Variants in PCDHA8 observed in about 807,000 individuals in gnomAD.
PCDHA8 encodes the protein protocadherin alpha-8.
A neutral mutation model predicts 61.8 loss-of-function variants in PCDHA8; 53 were observed. The observed-to-expected ratio is 0.86, with a 90% CI of 0.69 to 1.08. The LOEUF (loss-of-function observed/expected upper bound fraction) is 1.08. Ranked by LOEUF, PCDHA8 falls within the 50% of genes least tolerant of loss-of-function variation. PCDHA8 has a pLI of 0.00. For synonymous variants in PCDHA8, 618 were observed against 556.6 expected, an observed-to-expected ratio of 1.11 and a Z score of -1.55; for missense variants, 1,293 against 1,245.0, an observed-to-expected ratio of 1.04 and a Z score of -0.58.
chr5:140,883,184 G>T (rs1341554668), intron 1 of PCDHA8: 10 of 1,613,756 alleles, frequency 6.2e-6, no homozygotes, highest in Non-Finnish European at 8.5e-6. Flanking sequence ...TAGGACAAAA[G>T]GCAAACTAGA....
At chr5:140,863,422 G>A (rs782158453) in intron 1 of PCDHA8, 1 of 689,156 alleles carries the variant, frequency 1.5e-6, no homozygotes, top group South Asian at 1.3e-5. Flanking sequence ...GTACCGCAGC[G>A]TAGTGGGATC....
intron 1 of PCDHA8, chr5:140,853,687 T>C (rs1025605569): frequency 3.0e-6 from 3 of 988,362 alleles, no homozygotes; most frequent in African/African-American, 3.5e-5. Context: ...AACCTATCCT[T>C]AGACCTGCTA....
rs1554164701 is a variant in PCDHA8 at position 140,870,777 on chromosome 5, C to T, written c.2394+27062C>T. The T allele has an allele frequency of 3.1e-6, 5 of 1,613,610 alleles. No individual in the cohort carries two copies. In the African/African-American group the frequency reaches 4.0e-5, roughly 13 times the overall value. On this transcript the variant is annotated intron_variant, in intron 1 of 3. Coordinates refer to ENST00000531613, the MANE Select transcript of PCDHA8 (RefSeq NM_018911.3). Reference sequence around the variant, plus strand: ...TGCAGGTGTTCGTGCTGGACGAGAACGACAACGCGCCGGCACTGCTGGCGA... The same window carrying T: ...TGCAGGTGTTCGTGCTGGACGAGAATGACAACGCGCCGGCACTGCTGGCGA...
chr5:140,972,820 C>A (rs1247488574), intron 1 of PCDHA8, among the ~76,000 whole-genome samples: 3 of 151,964 alleles, frequency 2.0e-5, no homozygotes, highest in Admixed American at 6.6e-5. Context: ...CGCGCCACCA[C>A]GCCTGGCTAA....
chr5:140,911,378 C>T lies in PCDHA8; in HGVS notation c.2395-67571C>T, dbSNP rs184939316. On this transcript the variant is annotated intron_variant, in intron 1 of 3. Transcript: ENST00000531613. ...ACAGTAGACACCTGGCAAGGCTGTG[C>T]ATGCACCTTTCATTGCAGGTCAGCC... Among the ~76,000 whole-genome samples the T allele has an allele frequency of 8.0e-3, 1,215 of 152,282 alleles. 6 individuals carry two copies. The highest frequency in any genetic ancestry group is 0.019 in the African/African-American group (783 of 41,542).
intron 1 of PCDHA8, among the ~76,000 whole-genome samples, chr5:140,955,118 G>C (rs2095139401): frequency 6.6e-6 from 1 of 152,058 alleles, no homozygotes; most frequent in African/African-American, 2.4e-5. Flanking sequence ...TCTCTATTCT[G>C]TTCCACTGGT....
At chr5:140,902,043 G>A (rs1294111308) in intron 1 of PCDHA8, among the ~76,000 whole-genome samples, 2 of 151,980 alleles carry the variant, frequency 1.3e-5, no homozygotes, top group Non-Finnish European at 2.9e-5. Flanking sequence ...TTTGTATGTT[G>A]ATTTTGTATC....
At chr5:140,996,926 T>C (rs569386997) in intron 3 of PCDHA8, among the ~76,000 whole-genome samples, 4 of 152,320 alleles carry the variant, frequency 2.6e-5, no homozygotes, top group Middle Eastern at 3.4e-3. Flanking sequence ...TTAAAAAATA[T>C]AGCATTTTTG....
At chr5:140,970,693 G>C (rs2096425356) in intron 1 of PCDHA8, among the ~76,000 whole-genome samples, 1 of 152,134 alleles carries the variant, frequency 6.6e-6, no homozygotes, top group South Asian at 2.1e-4. Flanking sequence ...AGGGCTTTTA[G>C]AGCTACTACA....
At chr5:140,999,837 A>G (rs2097878885) in intron 3 of PCDHA8, among the ~76,000 whole-genome samples, 2 of 152,206 alleles carry the variant, frequency 1.3e-5, no homozygotes, top group South Asian at 2.1e-4. Flanking sequence ...AAATATGCCA[A>G]GTGTATTTAT....
At position 140,855,909 on chromosome 5, in the gene PCDHA8, A is replaced by C. The variant is rs1554148009; in HGVS notation, c.2394+12194A>C. The stretch of plus-strand genomic sequence containing the variant: ...GAACAAAGGCATCAGCCAGTTTCTC[A>C]AGGACTAGGAAGTAGCGTCATTCTG... On this transcript the variant is annotated intron_variant, in intron 1 of 3. Coordinates refer to ENST00000531613, the MANE Select transcript of PCDHA8 (RefSeq NM_018911.3). The C allele has an allele frequency of 6.1e-6, 7 of 1,151,572 alleles. 1 individual carries two copies. The highest frequency in any genetic ancestry group is 4.6e-5 in the African/African-American group (3 of 65,014). 71.3% of individuals were successfully genotyped at this position (1,151,572 alleles called of 1,614,324 possible). A position where few individuals can be genotyped will look rare whatever the true frequency, so the allele number is the denominator to read the frequency against.
intron 1 of PCDHA8, chr5:140,858,154 C>G (rs781842183): frequency 1.3e-6 from 2 of 1,597,814 alleles, no homozygotes; most frequent in African/African-American, 1.3e-5. Context: ...TCATCGCCAT[C>G]TGCGCGGTGT....
rs1777513901 is a variant in PCDHA8 at position 140,841,812 on chromosome 5, C to T, written c.491C>T (p.Ala164Val). Residue 164 changes from alanine to valine, a missense_variant, in exon 1 of 4, where the codon GCT becomes GTT. Ala to Val is a moderately conservative substitution (Grantham distance 64). Transcript: ENST00000531613. ...GGCGCGTCCGATGCAGATGTTGGAG[C>T]TAACTCCGTGTTAACCTACAGGCTT... Reference protein sequence around the residue: ...LEGASDADVGANSVLTYRLSS... With the variant: ...LEGASDADVGVNSVLTYRLSS... 6.2e-7 allele frequency: 1 copy of T among 1,613,912 alleles called. No homozygotes were observed. The highest frequency in any genetic ancestry group is 1.3e-5 in the African/African-American group (1 of 74,996).
intron 1 of PCDHA8, among the ~76,000 whole-genome samples, chr5:140,855,633 AT>A (rs1445956184): frequency 6.7e-6 from 1 of 149,874 alleles, no homozygotes; most frequent in Non-Finnish European, 1.5e-5. Flanking sequence ...AAATTCGGCT[AT>A]TGATAATCAT....
In PCDHA8 at chr5:140,851,667, T is replaced by A. The variant is rs628871; in HGVS notation, c.2394+7952T>A. 6.8e-5 allele frequency: 62 copies of A among 912,304 alleles called. 4 individuals carry two copies. Among genetic ancestry groups the A allele is most frequent in the Non-Finnish European group, 7.9e-5 (59 of 749,702 alleles). 56.5% of individuals were successfully genotyped at this position (912,304 alleles called of 1,614,324 possible). A position where few individuals can be genotyped will look rare whatever the true frequency, so the allele number is the denominator to read the frequency against. ...TTCAAGAAGACATTCTCCTTTTAAT[T>A]GAAATTTTCTCCATTCAGTGATAAA... is the stretch of plus-strand genomic sequence containing the variant. On this transcript the variant is annotated intron_variant, in intron 1 of 3. Coordinates refer to ENST00000531613, the MANE Select transcript of PCDHA8 (RefSeq NM_018911.3).
Position 140,842,000 on chromosome 5 carries a change from C to G in PCDHA8, c.679C>G (p.Gln227Glu). 6.2e-7 allele frequency: 1 copy of G among 1,613,786 alleles called. No homozygotes were observed. Among genetic ancestry groups the G allele is most frequent in the Non-Finnish European group, 8.5e-7 (1 of 1,179,762 alleles). Residue 227 changes from glutamine (Q) to glutamate (E), a missense_variant, in exon 1 of 4, where the codon CAG becomes GAG. By Grantham distance (29) the Gln-to-Glu change is conservative. Coordinates refer to ENST00000531613, the MANE Select transcript of PCDHA8 (RefSeq NM_018911.3). ...CAAACCTGAGCTCACAGGCACTGTT[C>G]AGCTGCTGGTCACAGTGCTGGATGT... ...GGKPELTGTV[Q>E]LLVTVLDVND...
At chr5:140,852,794 G>A (rs2042475674) in intron 1 of PCDHA8, 1 of 976,830 alleles carries the variant, frequency 1.0e-6, no homozygotes, top group South Asian at 4.8e-5. Flanking sequence ...GGATGCTACA[G>A]ATGTCATTTG....
At chr5:140,930,918 T>G (rs1554208161) in intron 1 of PCDHA8, among the ~76,000 whole-genome samples, 1 of 152,180 alleles carries the variant, frequency 6.6e-6, no homozygotes, top group East Asian at 1.9e-4. Context: ...ACTTTAGATG[T>G]GTATATGTGG....
chr5:140,884,096 G>T (rs782587372), intron 1 of PCDHA8: 1 of 1,613,580 alleles, frequency 6.2e-7, no homozygotes, highest in Non-Finnish European at 8.5e-7. Flanking sequence ...GCTTTCGTAT[G>T]AATTGCAGCT....
Sources: gnomAD v4.1 joint callset for allele counts (sites outside exome capture counted in the v4.1 genomes callset) on GRCh38, gnomAD v4.1.1 for gene constraint, MANE v1.5 for transcripts, NCBI Gene and HGNC (gene_info 2026-07-23, HGNC 2026-07-21) for gene names.